The following EXOC6 variants were observed in gnomAD, a reference collection of about 807,000 sequenced individuals.
EXOC6 encodes exocyst complex component 6, also known as SEC15-like 1.
EXOC6 carries 60 observed loss-of-function variants against 112.5 expected under a neutral mutation model. That is an observed-to-expected ratio of 0.53 (90% confidence interval 0.43 to 0.66). The LOEUF (loss-of-function observed/expected upper bound fraction) is 0.66, where lower values mean the gene tolerates loss of function less well. EXOC6 is among the 30% of genes least tolerant of loss of function. EXOC6 has a pLI of 0.00. For synonymous variants in EXOC6, 295 were observed against 308.0 expected, an observed-to-expected ratio of 0.96 and a Z score of 0.44; for missense variants, 855 against 957.1, an observed-to-expected ratio of 0.89 and a Z score of 1.41.
intron 1 of EXOC6, among the ~76,000 whole-genome samples, chr10:92,842,604 T>G (rs867152059): frequency 6.6e-6 from 1 of 150,508 alleles, no homozygotes; most frequent in African/African-American, 2.4e-5. Flanking sequence ...GAATAGAGAG[T>G]GCATTGAACA....
At chr10:92,991,292 C>T (rs191423665) in intron 18 of EXOC6, among the ~76,000 whole-genome samples, 326 of 151,772 alleles carry the variant, frequency 2.1e-3, no homozygotes, top group Middle Eastern at 3.4e-3. Flanking sequence ...AAATATTAGC[C>T]GGGCATGGTC....
At chr10:92,903,158 A>G (rs1850264119) in intron 5 of EXOC6, among the ~76,000 whole-genome samples, 2 of 152,024 alleles carry the variant, frequency 1.3e-5, no homozygotes, top group African/African-American at 4.8e-5. Context: ...AGACTTTAAA[A>G]ATATAATTTA....
At chr10:92,949,433 C>T (rs1853257882) in intron 14 of EXOC6, among the ~76,000 whole-genome samples, 1 of 151,664 alleles carries the variant, frequency 6.6e-6, no homozygotes, top group Non-Finnish European at 1.5e-5. Flanking sequence ...TTTTTGAAAG[C>T]CCAATGAAAG....
chr10:92,990,072 C>T (rs185396482), intron 18 of EXOC6, among the ~76,000 whole-genome samples: 9 of 151,932 alleles, frequency 5.9e-5, no homozygotes, highest in Non-Finnish European at 1.2e-4. Context: ...AACTTTGAGA[C>T]AAAATATTTG....
chr10:92,835,204 T>C (rs1846625497), intron 1 of EXOC6, among the ~76,000 whole-genome samples: 3 of 152,208 alleles, frequency 2.0e-5, no homozygotes, highest in Admixed American at 2.0e-4. Context: ...ATATGAGTCA[T>C]AGGAAAAAAT....
At chr10:93,005,592 A>G (rs1843941533) in intron 19 of EXOC6, among the ~76,000 whole-genome samples, 1 of 152,220 alleles carries the variant, frequency 6.6e-6, no homozygotes, top group African/African-American at 2.4e-5. Context: ...AAGAAAATAC[A>G]GACTATTTCC....
chr10:92,975,108 T>C (rs1016697705), intron 18 of EXOC6, among the ~76,000 whole-genome samples: 13 of 149,208 alleles, frequency 8.7e-5, no homozygotes, highest in African/African-American at 3.2e-4. Flanking sequence ...CACCATCCCA[T>C]CTAGGAAGTG....
At chr10:92,833,866 A>G (rs138831024), upstream of EXOC6, among the ~76,000 whole-genome samples, 9 of 151,834 alleles carry the variant, frequency 5.9e-5, no homozygotes, top group East Asian at 1.8e-3. Flanking sequence ...GGCTGGTTGT[A>G]GGGCACATTT....
In EXOC6 at chr10:92,915,400, A is replaced by C. The variant is rs535871477; in HGVS notation, c.664-358A>C. On this transcript the variant is annotated intron_variant, in intron 6 of 21. Transcript: ENST00000260762. Reference sequence around the variant, plus strand: ...ACAAAAAAATACAAAAACAAAAAAAACAAAAAAACAAAGAAACATTAGCTG... The same window carrying C: ...ACAAAAAAATACAAAAACAAAAAAACCAAAAAAACAAAGAAACATTAGCTG... 6.6e-5 allele frequency among the ~76,000 whole-genome samples: 10 copies of C among 151,554 alleles called. No homozygotes were observed. In the South Asian group the frequency reaches 2.1e-3, roughly 32 times the overall value.
chr10:92,853,632 TAGAAAG>T (rs1331260965), intron 1 of EXOC6, among the ~76,000 whole-genome samples: 4 of 152,192 alleles, frequency 2.6e-5, no homozygotes, highest in African/African-American at 9.6e-5. Context: ...GGCAATTCAG[TAGAAAG>T]AGATAGTCTT....
chr10:92,838,998 G>C (rs1456940409), intron 1 of EXOC6, among the ~76,000 whole-genome samples: 1 of 152,038 alleles, frequency 6.6e-6, no homozygotes, highest in Non-Finnish European at 1.5e-5. Flanking sequence ...ACTTGAACCT[G>C]GGAGGCGGAG....
chr10:92,875,753 A>G (rs1034271189), intron 1 of EXOC6, among the ~76,000 whole-genome samples: 2 of 152,182 alleles, frequency 1.3e-5, no homozygotes, highest in Non-Finnish European at 2.9e-5. Context: ...CATGTACTAA[A>G]TATTGAATAT....
At chr10:92,876,333 G>GTTTTAAGTTTAAACACTTAAAA (rs754907460) in intron 1 of EXOC6, among the ~76,000 whole-genome samples, 26 of 152,182 alleles carry the variant, frequency 1.7e-4, no homozygotes, top group Non-Finnish European at 2.5e-4. Context: ...ACACTTAAAT[G>GTTTTAAGTTTAAACACTTAAAA]CATTATTTAA....
Position 92,899,664 on chromosome 10 carries a change from A to G in EXOC6, c.458+20A>G, listed in dbSNP as rs200749470. ...CAAAAGGTGAGTTGGTTTTTTTCCT[A>G]TTGTTTTAAATAAGAATTTTTTTCT... On this transcript the variant is annotated intron_variant, in intron 5 of 21. Transcript: ENST00000260762. 6.3e-6 allele frequency: 10 copies of G among 1,575,572 alleles called. No homozygotes were observed. The highest frequency in any genetic ancestry group is 5.2e-5 in the Admixed American group (3 of 58,118).
chr10:92,880,786 G>A (rs938150573), intron 1 of EXOC6, among the ~76,000 whole-genome samples: 4 of 152,108 alleles, frequency 2.6e-5, no homozygotes, highest in African/African-American at 9.6e-5. Flanking sequence ...CATATGGAGG[G>A]GGAAGGGCAT....
At chr10:93,032,183 A>G (rs923356595) in intron 20 of EXOC6, among the ~76,000 whole-genome samples, 1 of 152,090 alleles carries the variant, frequency 6.6e-6, no homozygotes, top group African/African-American at 2.4e-5. Context: ...GGCTGAGGCA[A>G]AAAATCAGCC....
chr10:93,008,202 A>G (rs1456744505), intron 19 of EXOC6, among the ~76,000 whole-genome samples: 1 of 152,208 alleles, frequency 6.6e-6, no homozygotes, highest in Non-Finnish European at 1.5e-5. Flanking sequence ...GAAAATTTGA[A>G]ATCATTTATT....
chr10:92,912,633 G>C (rs1476938815), intron 6 of EXOC6, among the ~76,000 whole-genome samples: 1 of 152,142 alleles, frequency 6.6e-6, no homozygotes, highest in African/African-American at 2.4e-5. Context: ...ATTTGTAACA[G>C]AGCCTTAAAA....
rs1172292741 is a variant in EXOC6 at position 92,975,801 on chromosome 10, G to C, written c.1953+1569G>C. 3.2e-5 allele frequency among the ~76,000 whole-genome samples: 4 copies of C among 124,498 alleles called. No individual in the cohort carries two copies. The South Asian group carries it at 1.1e-3, about 34-fold the overall frequency. 81.7% of individuals were successfully genotyped at this position (124,498 alleles called of 152,430 possible). The stretch of plus-strand genomic sequence containing the variant: ...ATCCGGGAGGGAGGTGGGGGGGTCA[G>C]CCCCCGCGCCCGGCCAGCCGCCCCG... On this transcript the variant is annotated intron_variant, in intron 18 of 21. Coordinates refer to ENST00000260762, the MANE Select transcript of EXOC6 (RefSeq NM_019053.6).
Sources: allele counts gnomAD v4.1 joint callset (sites outside exome capture counted in the v4.1 genomes callset), GRCh38; gene constraint gnomAD v4.1.1; transcripts MANE v1.5; gene names NCBI Gene and HGNC (gene_info 2026-07-23, HGNC 2026-07-21).